The following XPO1 variants were observed in gnomAD, a reference collection of about 807,000 sequenced individuals.
XPO1 encodes the protein exportin-1.
Under a neutral mutation model 133.3 loss-of-function variants are expected in XPO1, and 5 were observed. The observed-to-expected ratio is 0.04, with a 90% CI of 0.02 to 0.08. XPO1 has a LOEUF of 0.08. Ranked by LOEUF, XPO1 falls within the 10% of genes least tolerant of loss-of-function variation. The pLI, the probability that XPO1 is intolerant of heterozygous loss-of-function variation, is 1.00. For missense variants in XPO1, 506 were observed against 1,267.5 expected (o/e 0.40, Z 9.12); for synonymous variants, 419 against 408.2 (o/e 1.03, Z -0.32).
At chr2:61,515,047 C>G (rs1378437925) in intron 4 of XPO1, among the ~76,000 whole-genome samples, 2 of 139,802 alleles carry the variant, frequency 1.4e-5, no homozygotes, top group African/African-American at 5.4e-5. Flanking sequence ...CCAGCCTGGG[C>G]GACAGAGTAG....
intron 4 of XPO1, among the ~76,000 whole-genome samples, chr2:61,503,570 G>T (rs933876839): frequency 6.6e-6 from 1 of 152,036 alleles, no homozygotes; most frequent in Admixed American, 6.6e-5. Flanking sequence ...GACTACAGGC[G>T]CCCGCCACCA....
At chr2:61,500,347 G>A (rs758390770) in intron 6 of XPO1, among the ~76,000 whole-genome samples, 43 of 152,020 alleles carry the variant, frequency 2.8e-4, no homozygotes, top group South Asian at 4.2e-4. Flanking sequence ...TTGGGAGGCC[G>A]AGGTAGGAGG....
chr2:61,526,306 AC>A, intron 3 of XPO1, 113 bp downstream of exon 3: 1 of 1,455,858 alleles, frequency 6.9e-7, no homozygotes, highest in Non-Finnish European at 9.0e-7. Context: ...AAACAAATTA[AC>A]AATATAAAAT....
chr2:61,491,464 AC>A (rs1696985782), intron 16 of XPO1, among the ~76,000 whole-genome samples: 3 of 44,384 alleles, frequency 6.8e-5, no homozygotes, highest in East Asian at 3.0e-3. Context: ...AAACAAACAC[AC>A]ACACACACAC....
chr2:61,484,431 A>G, intron 20 of XPO1: 1 of 227,858 alleles, frequency 4.4e-6, no homozygotes, highest in Non-Finnish European at 8.5e-6. Flanking sequence ...TTACAAAAAA[A>G]TTTAAGTTAC....
At position 61,483,919 on chromosome 2, in the gene XPO1, A is replaced by G; in HGVS notation, c.2677+18T>C. The stretch of plus-strand genomic sequence containing the variant: ...TTGGATTGGCAGGCAAATGAATAAA[A>G]GAACATCTTTTATTTACCCGTATCT... On this transcript the variant is annotated intron_variant, in intron 21 of 24. Coordinates refer to ENST00000401558, the MANE Select transcript of XPO1 (RefSeq NM_003400.4). The G allele has an allele frequency of 1.2e-6, 2 of 1,608,928 alleles. No individual in the cohort carries two copies. Among genetic ancestry groups the G allele is most frequent in the Non-Finnish European group, 1.7e-6 (2 of 1,178,382 alleles).
intron 4 of XPO1, among the ~76,000 whole-genome samples, chr2:61,519,123 G>C (rs928003871): frequency 6.6e-6 from 1 of 151,896 alleles, no homozygotes; most frequent in African/African-American, 2.4e-5. Flanking sequence ...GCTAATTTTT[G>C]TATTTTTAGT....
chr2:61,486,600 C>A (rs1160893705), intron 19 of XPO1, among the ~76,000 whole-genome samples: 2 of 152,050 alleles, frequency 1.3e-5, no homozygotes, highest in Non-Finnish European at 2.9e-5. Flanking sequence ...GGAGTACAGG[C>A]ACCTGCCACC....
intron 4 of XPO1, among the ~76,000 whole-genome samples, chr2:61,509,637 A>G (rs964279712): frequency 4.0e-5 from 6 of 150,116 alleles, no homozygotes; most frequent in East Asian, 2.0e-4. Flanking sequence ...AAAAAAAAGG[A>G]AAAAAAAAGG....
rs757459185 is a variant in XPO1 at position 61,492,770 on chromosome 2, C to T, written c.1385-22G>A. On this transcript the variant is annotated intron_variant, in intron 13 of 24. Transcript: ENST00000401558. This position sits in a 1 kb window ranked among gnomAD's most constrained non-coding sequence, Gnocchi z 5.6. ...TAAACTACAAAGAAAAACATGGTTT[C>T]AAATGCAAATAATGAGCAGAATTTT... 1.9e-6 allele frequency: 3 copies of T among 1,605,868 alleles called. No individual in the cohort carries two copies. Among genetic ancestry groups the T allele is most frequent in the African/African-American group, 2.7e-5 (2 of 74,626 alleles).
chr2:61,527,273 C>A (rs1470188995), intron 2 of XPO1, among the ~76,000 whole-genome samples: 3 of 141,368 alleles, frequency 2.1e-5, no homozygotes, highest in Non-Finnish European at 4.5e-5. Flanking sequence ...GGTTCAAGAC[C>A]AGCTGGCCAG....
intron 5 of XPO1, 96 bp downstream of exon 5, chr2:61,502,153 T>C: frequency 6.6e-7 from 1 of 1,512,438 alleles, no homozygotes; most frequent in South Asian, 1.2e-5. Context: ...ACTGTGCATA[T>C]GTGTGACTAT....
rs56213841 is a variant in XPO1, at chr2:61,500,578, C to CAAAAAAAAAAAAAAAAAA, written c.409-702_409-685dup. On this transcript the variant is annotated intron_variant, in intron 6 of 24. Coordinates refer to ENST00000401558, the MANE Select transcript of XPO1 (RefSeq NM_003400.4). ...TGGGCAACAGGATGAGACTCCATCT[C>CAAAAAAAAAAAAAAAAAA]AAAAAAAAAAAAAAAAAAAAGAGCA... Among the ~76,000 whole-genome samples the CAAAAAAAAAAAAAAAAAA allele has an allele frequency of 1.7e-4, 7 of 40,402 alleles. 1 individual carries two copies. The highest frequency in any genetic ancestry group is 8.1e-4 in the African/African-American group (6 of 7,428). 26.5% of individuals were successfully genotyped at this position (40,402 alleles called of 152,430 possible).
intron 20 of XPO1, chr2:61,485,482 C>CCCCCG (rs1553402632): frequency 1.2e-5 from 2 of 162,146 alleles, no homozygotes; most frequent in African/African-American, 5.5e-5. Context: ...GACCCCCCCC[C>CCCCCG]CCACTTCAGC....
chr2:61,505,714 G>A (rs1470978789), intron 4 of XPO1, among the ~76,000 whole-genome samples: 3 of 151,948 alleles, frequency 2.0e-5, no homozygotes, highest in Non-Finnish European at 2.9e-5. Flanking sequence ...GTGAGCCACC[G>A]CACCTGGCTT....
rs766548473 is a variant in XPO1 at position 61,502,046 on chromosome 2, G to A, written c.364-6C>T. The stretch of plus-strand genomic sequence containing the variant: ...CCGATATACACCTTTTCTTTCTAAG[G>A]AAAAGTAAAAGATTAAATGAGAGCC... On this transcript the variant is annotated splice_polypyrimidine_tract_variant and splice_region_variant and intron_variant, in intron 5 of 24. Coordinates refer to ENST00000401558, the MANE Select transcript of XPO1 (RefSeq NM_003400.4). 1.3e-6 allele frequency: 2 copies of A among 1,598,918 alleles called. No homozygotes were observed. Among genetic ancestry groups the A allele is most frequent in the Admixed American group, 1.7e-5 (1 of 57,626 alleles).
At chr2:61,499,944 TAAAAC>T (rs752940529) in intron 6 of XPO1, 50 bp from the exon 7 acceptor site, 11 of 1,547,530 alleles carry the variant, frequency 7.1e-6, no homozygotes, top group Non-Finnish European at 9.6e-6. Context: ...CAAAGGCAAA[TAAAAC>T]AAACTTCAAA....
chr2:61,499,921 G>A lies in XPO1; in HGVS notation c.409-27C>T, dbSNP rs199532712. The A allele has an allele frequency of 1.4e-3, 2,248 of 1,588,840 alleles. 58 individuals are homozygous for A. In the South Asian group the frequency reaches 0.024, roughly 17 times the overall value. ...TAAAACAAGACATGAAATGTTAATC[G>A]CACTTCATTTCTCAAAGGCAAATAA... On this transcript the variant is annotated intron_variant, in intron 6 of 24. Coordinates refer to ENST00000401558, the MANE Select transcript of XPO1 (RefSeq NM_003400.4).
At chr2:61,490,815 C>T (rs1293427180) in intron 16 of XPO1, 39 bp from the exon 17 acceptor site, 2 of 1,599,964 alleles carry the variant, frequency 1.3e-6, no homozygotes, top group Non-Finnish European at 1.7e-6. Flanking sequence ...TTATGTTATA[C>T]ACCCTAATAA....
Sources: gnomAD v4.1 joint callset for allele counts (sites outside exome capture counted in the v4.1 genomes callset) on GRCh38, gnomAD v4.1.1 for gene constraint, Gnocchi (gnomAD v3.1) non-coding constraint, MANE v1.5 for transcripts, NCBI Gene and HGNC (gene_info 2026-07-23, HGNC 2026-07-21) for gene names.